The following SLC28A1 variants were observed in gnomAD, a reference collection of about 807,000 sequenced individuals.
SLC28A1 encodes solute carrier family 28 member 1.
In SLC28A1, 64 loss-of-function variants were observed where a neutral mutation model predicts 74.8. The observed-to-expected ratio is 0.86, with a 90% CI of 0.70 to 1.05. The LOEUF is 1.05. Ranked by LOEUF, SLC28A1 falls within the 50% of genes least tolerant of loss-of-function variation. SLC28A1 has a pLI of 0.00. For synonymous variants in SLC28A1, 359 were observed against 335.0 expected, an observed-to-expected ratio of 1.07 and a Z score of -0.78; for missense variants, 828 against 822.8, an observed-to-expected ratio of 1.01 and a Z score of -0.08.
intron 3 of SLC28A1, among the ~76,000 whole-genome samples, 162 bp from the exon 4 acceptor site, chr15:84,888,610 C>A (rs576501996): frequency 6.6e-6 from 1 of 152,238 alleles, no homozygotes; most frequent in African/African-American, 2.4e-5. Flanking sequence ...GTGCTCAGTG[C>A]CTGCCTTGCA....
intron 15 of SLC28A1, among the ~76,000 whole-genome samples, chr15:84,938,818 G>A (rs79393267): frequency 0.084 from 12,792 of 152,110 alleles, 741 homozygotes; most frequent in South Asian, 0.25. Context: ...CCTGAGGTGT[G>A]GCATTTAAGC....
At chr15:84,938,373 A>G (rs1972204947) in intron 15 of SLC28A1, 1 of 151,490 alleles carries the variant, frequency 6.6e-6, no homozygotes, top group Non-Finnish European at 1.5e-5. Context: ...AGGTGTATAG[A>G]TTTATGGGGT....
rs1421037411 is a variant in SLC28A1 at position 84,887,794 on chromosome 15, A to T, written c.34A>T (p.Ile12Phe). ...ENDPSRRRES[I>F]SLTPVAKGLE... ...CGACCCCTCGAGACGAAGAGAGTCC[A>T]TCTCTCTCACACCTGTGGCCAAGGG... Residue 12 changes from isoleucine (I) to phenylalanine (F), a missense_variant, in exon 3 of 19, where the codon ATC becomes TTC. Physicochemically the swap from Ile to Phe is conservative, Grantham distance 21. Around this residue, in one of 3 missense-constraint regions of SLC28A1, gnomAD observed 767 missense variants for 753.5 expected, o/e 1.02. Coordinates refer to ENST00000394573, the MANE Select transcript of SLC28A1 (RefSeq NM_004213.5). The T allele has an allele frequency of 6.2e-7, 1 of 1,614,040 alleles. No individual in the cohort carries two copies. The highest frequency in any genetic ancestry group is 8.5e-7 in the Non-Finnish European group (1 of 1,179,910).
rs533662835 is a variant in SLC28A1, at chr15:84,944,974, G to A, written c.1874+107G>A. Reference sequence around the variant, plus strand: ...ACCAGGGTGAGGGTAGAAATGTTACGGCTGCAGCTAATGGGGAGGTGAAGG... The same window carrying A: ...ACCAGGGTGAGGGTAGAAATGTTACAGCTGCAGCTAATGGGGAGGTGAAGG... On this transcript the variant is annotated intron_variant, in intron 18 of 18. Transcript: ENST00000394573. 6.1e-5 allele frequency: 65 copies of A among 1,070,868 alleles called. 1 individual carries two copies. The highest frequency in any genetic ancestry group is 2.0e-4 in the South Asian group (16 of 78,876). The allele number at this position is 1,070,868 out of a possible 1,614,324, so 66.3% of individuals were successfully genotyped here. A position where few individuals can be genotyped will look rare whatever the true frequency, so the allele number is the denominator to read the frequency against.
chr15:84,925,352 G>A (rs968591339), intron 12 of SLC28A1, among the ~76,000 whole-genome samples: 18 of 152,020 alleles, frequency 1.2e-4, no homozygotes, highest in Admixed American at 2.0e-4. Flanking sequence ...AATCAGAAAC[G>A]ATGGGGGATG....
chr15:84,946,032 A>G (rs1186938372), downstream of SLC28A1, among the ~76,000 whole-genome samples: 1 of 141,132 alleles, frequency 7.1e-6, no homozygotes, highest in East Asian at 2.0e-4. Context: ...GCTAATTTAT[A>G]TATAAATACA....
At chr15:84,919,156 G>A (rs189508356) in intron 10 of SLC28A1, among the ~76,000 whole-genome samples, 4 of 152,318 alleles carry the variant, frequency 2.6e-5, no homozygotes, top group Non-Finnish European at 4.4e-5. Context: ...AATTTATACC[G>A]AAAAGATATT....
intron 15 of SLC28A1, 96 bp from the exon 16 acceptor site, chr15:84,943,349 A>G: frequency 1.2e-6 from 1 of 837,452 alleles, no homozygotes; most frequent in Non-Finnish European, 2.1e-6. Flanking sequence ...ACATGTAAGA[A>G]GTGGGTAAAA....
At chr15:84,956,430 TCTTC>T in the SLC28A1 span, among the ~76,000 whole-genome samples, 224 of 128,486 alleles carry the variant, frequency 1.7e-3, 3 homozygotes, top group African/African-American at 5.6e-3. Flanking sequence ...TCCTTCTTTC[TCTTC>T]CTTCCTTCCT....
At chr15:84,948,178 C>A (rs1354370405), downstream of SLC28A1, among the ~76,000 whole-genome samples, 1 of 152,122 alleles carries the variant, frequency 6.6e-6, no homozygotes, top group Admixed American at 6.5e-5. Context: ...CTCTGCTGCC[C>A]CCTCAATTTA....
intron 5 of SLC28A1, 66 bp from the exon 6 acceptor site, chr15:84,894,874 C>A: frequency 1.3e-6 from 2 of 1,510,018 alleles, no homozygotes; most frequent in Non-Finnish European, 1.8e-6. Flanking sequence ...AGTCCGCGGG[C>A]GGGGCTGCAG....
chr15:84,929,386 A>C (rs1449822635), intron 12 of SLC28A1, among the ~76,000 whole-genome samples: 3 of 152,064 alleles, frequency 2.0e-5, no homozygotes, highest in Non-Finnish European at 2.9e-5. Flanking sequence ...CTCTACAAAA[A>C]TACAAAAATT....
chr15:84,885,802 C>T (rs118174481), intron 1 of SLC28A1, among the ~76,000 whole-genome samples: 43 of 151,494 alleles, frequency 2.8e-4, no homozygotes, highest in East Asian at 1.9e-3. Context: ...GCTCAGATTC[C>T]GGGGACTTTA....
chr15:84,963,727 G>C, the SLC28A1 span, among the ~76,000 whole-genome samples: 1 of 152,218 alleles, frequency 6.6e-6, no homozygotes, highest in Non-Finnish European at 1.5e-5. Flanking sequence ...TGCAGAGCAA[G>C]TGGGTGGTTA....
At chr15:84,951,459 A>T in the SLC28A1 span, among the ~76,000 whole-genome samples, 1 of 147,836 alleles carries the variant, frequency 6.8e-6, no homozygotes, top group Non-Finnish European at 1.5e-5. Flanking sequence ...AAAAAGAAGG[A>T]GTCTGGGGTC....
rs946284375 is a variant in SLC28A1 at position 84,895,432 on chromosome 15, C to G, written c.461+309C>G. 3 of 1,613,812 alleles carry G rather than the reference C, an allele frequency of 1.9e-6. No individual in the cohort carries two copies. The African/African-American group carries it at 4.0e-5, about 22-fold the overall frequency. On this transcript the variant is annotated intron_variant, in intron 6 of 18. Coordinates refer to ENST00000394573, the MANE Select transcript of SLC28A1 (RefSeq NM_004213.5). ...CGAATCAGTACCTCCCTCAGATCAC[C>G]TGGACAGTGTGAGACAAAAAGCCGC...
the SLC28A1 span, among the ~76,000 whole-genome samples, chr15:84,962,137 T>G: frequency 6.6e-6 from 1 of 152,056 alleles, no homozygotes; most frequent in East Asian, 1.9e-4. Flanking sequence ...TGCAATGGTG[T>G]GATCATAGCT....
intron 5 of SLC28A1, 114 bp from the exon 6 acceptor site, chr15:84,894,826 A>G: frequency 9.7e-7 from 1 of 1,034,018 alleles, no homozygotes; most frequent in Non-Finnish European, 1.5e-6. Context: ...AGGTTGGGTG[A>G]CTTTCCTGCC....
At chr15:84,961,101 C>T in the SLC28A1 span, among the ~76,000 whole-genome samples, 1 of 152,156 alleles carries the variant, frequency 6.6e-6, no homozygotes, top group East Asian at 1.9e-4. Context: ...GAGAATATCA[C>T]CTCCGAACTC....
Sources: gnomAD v4.1 joint callset for allele counts (sites outside exome capture counted in the v4.1 genomes callset) on GRCh38, gnomAD v4.1.1 for gene constraint, gnomAD v4.1.1 regional missense constraint, MANE v1.5 for transcripts, NCBI Gene and HGNC (gene_info 2026-07-23, HGNC 2026-07-21) for gene names.